The following JAZF1 variants were observed in gnomAD, a reference collection of about 807,000 sequenced individuals.
JAZF1 encodes JAZF zinc finger 1, also known as juxtaposed with another zinc finger protein 1.
In JAZF1, 8 loss-of-function variants were observed where a neutral mutation model predicts 26.4. That is an observed-to-expected ratio of 0.30 (90% CI 0.18 to 0.55). JAZF1 has a LOEUF of 0.55. Among genes scored for constraint, JAZF1 ranks in the 20% least tolerant of loss-of-function variants. The probability of loss-of-function intolerance (pLI) is 0.94; values close to 1 mark genes in which losing one functional copy is unlikely to be tolerated. For synonymous variants in JAZF1, 126 were observed against 122.3 expected, an observed-to-expected ratio of 1.03 and a Z score of -0.20; for missense variants, 199 against 322.0, an observed-to-expected ratio of 0.62 and a Z score of 2.92.
chr7:27,833,066 C>A, intron 4 of JAZF1, 90 bp from the exon 5 acceptor site: 2 of 1,003,208 alleles, frequency 2.0e-6, no homozygotes, highest in Non-Finnish European at 2.9e-6. Flanking sequence ...ATTGCAGTTC[C>A]TGGATGGCAG....
intron 1 of JAZF1, among the ~76,000 whole-genome samples, chr7:28,050,471 T>C (rs888935945): frequency 6.6e-6 from 1 of 152,056 alleles, no homozygotes; most frequent in Middle Eastern, 3.4e-3. Context: ...TTTAATAGGG[T>C]CTATTTTATC....
chr7:28,180,132 T>TCGGCCCCGCCGCCG (rs1166353146), intron 1 of JAZF1, among the ~76,000 whole-genome samples: 3 of 83,736 alleles, frequency 3.6e-5, no homozygotes, highest in Non-Finnish European at 4.8e-5. Context: ...GCGCCGGCAC[T>TCGGCCCCGCCGCCG]CGGCCCCGCC....
chr7:28,015,788 C>G (rs1241240796), intron 1 of JAZF1, among the ~76,000 whole-genome samples: 1 of 152,028 alleles, frequency 6.6e-6, no homozygotes, highest in Non-Finnish European at 1.5e-5. Context: ...CCTTTTTGTG[C>G]AAGCCCTCTT....
chr7:28,017,963 C>A (rs1379155505), intron 1 of JAZF1, among the ~76,000 whole-genome samples: 1 of 152,102 alleles, frequency 6.6e-6, no homozygotes, highest in Admixed American at 6.5e-5. Context: ...TTAGTAGAGA[C>A]AGGGTTTCAC....
chr7:28,162,994 A>G (rs1326590857), intron 1 of JAZF1, among the ~76,000 whole-genome samples: 1 of 152,258 alleles, frequency 6.6e-6, no homozygotes, highest in East Asian at 1.9e-4. Context: ...GATGAGATGC[A>G]GAGCCATGGA....
chr7:27,976,699 GA>G (rs57949732), intron 2 of JAZF1, among the ~76,000 whole-genome samples: 90 of 145,752 alleles, frequency 6.2e-4, no homozygotes, highest in African/African-American at 8.3e-4. Flanking sequence ...GTGGTTTCAT[GA>G]AAAAAAAAAA....
intron 1 of JAZF1, among the ~76,000 whole-genome samples, chr7:28,172,180 A>C (rs1413105362): frequency 6.6e-6 from 1 of 152,238 alleles, no homozygotes; most frequent in Admixed American, 6.5e-5. Flanking sequence ...CATTTTCCAC[A>C]GGGCAGAAAG....
intron 2 of JAZF1, among the ~76,000 whole-genome samples, chr7:27,903,156 A>C (rs1411849716): frequency 6.6e-6 from 1 of 152,128 alleles, no homozygotes; most frequent in Non-Finnish European, 1.5e-5. Flanking sequence ...TACTGCCATC[A>C]TGAGTTTTGC....
At chr7:27,956,143 T>C (rs183481032) in intron 2 of JAZF1, among the ~76,000 whole-genome samples, 72 of 152,306 alleles carry the variant, frequency 4.7e-4, no homozygotes, top group African/African-American at 1.6e-3. Flanking sequence ...TAGCAGATCT[T>C]AAAGGCGTTT....
At chr7:27,958,988 G>C (rs571942400) in intron 2 of JAZF1, among the ~76,000 whole-genome samples, 6 of 152,308 alleles carry the variant, frequency 3.9e-5, no homozygotes, top group Admixed American at 2.0e-4. Context: ...CAATGGCAGT[G>C]GTGGTGGCAG....
chr7:28,050,410 A>C (rs1035950960), intron 1 of JAZF1, among the ~76,000 whole-genome samples: 6 of 152,358 alleles, frequency 3.9e-5, no homozygotes, highest in African/African-American at 1.4e-4. Flanking sequence ...GATTTTAGAC[A>C]GTGTTGATGG....
rs1554278421 is a variant in JAZF1 at position 27,963,569 on chromosome 7, C to CCCCT, written c.188+28339_188+28340insAGGG. Among the ~76,000 whole-genome samples, 495 of 132,462 alleles carry CCCCT rather than the reference C, an allele frequency of 3.7e-3. 6 individuals carry two copies. The highest frequency in any genetic ancestry group is 6.6e-3 in the African/African-American group (229 of 34,570). The allele number at this position is 132,462 out of a possible 152,430, so 86.9% of individuals were successfully genotyped here. A position where few individuals can be genotyped will look rare whatever the true frequency, so the allele number is the denominator to read the frequency against. ...TCAATGTTTGCAATTCCCCCCCCCC[C>CCCCT]TTTTTTTTTGGAGACAGGGTCTTGC... is the stretch of plus-strand genomic sequence containing the variant. On this transcript the variant is annotated intron_variant, in intron 2 of 4. Coordinates refer to ENST00000283928, the MANE Select transcript of JAZF1 (RefSeq NM_175061.4).
At chr7:28,073,634 G>A (rs976231791) in intron 1 of JAZF1, among the ~76,000 whole-genome samples, 6 of 152,146 alleles carry the variant, frequency 3.9e-5, no homozygotes, top group Non-Finnish European at 5.9e-5. Flanking sequence ...GAGCCCTCAC[G>A]TCTCATCACA....
At chr7:27,978,398 G>A (rs1583489901) in intron 2 of JAZF1, among the ~76,000 whole-genome samples, 1 of 152,198 alleles carries the variant, frequency 6.6e-6, no homozygotes, top group African/African-American at 2.4e-5. Context: ...GTCTGAGCAG[G>A]TTATGAGTAG....
At chr7:27,866,745 A>T (rs1444576738) in intron 3 of JAZF1, among the ~76,000 whole-genome samples, 1 of 152,254 alleles carries the variant, frequency 6.6e-6, no homozygotes, top group Admixed American at 6.5e-5. Context: ...AACACACTCG[A>T]TTACCATACT....
intron 1 of JAZF1, among the ~76,000 whole-genome samples, chr7:28,146,500 G>A (rs7796417): frequency 6.6e-6 from 1 of 152,038 alleles, no homozygotes; most frequent in East Asian, 1.9e-4. Flanking sequence ...TACTAATTAA[G>A]TATTAAAAGG....
chr7:28,115,711 G>T (rs114545743), intron 1 of JAZF1, among the ~76,000 whole-genome samples: 75 of 152,058 alleles, frequency 4.9e-4, no homozygotes, highest in African/African-American at 1.7e-3. Context: ...GAAGAGTATT[G>T]CCCCCTGCCT....
chr7:27,904,380 A>G (rs1784214423), intron 2 of JAZF1, among the ~76,000 whole-genome samples: 1 of 152,222 alleles, frequency 6.6e-6, no homozygotes, highest in Non-Finnish European at 1.5e-5. Context: ...GTATTTGGTT[A>G]AAACAGCGAG....
At chr7:27,833,266 C>A (rs576622218) in intron 4 of JAZF1, 1 of 189,756 alleles carries the variant, frequency 5.3e-6, no homozygotes, top group East Asian at 1.2e-4. Flanking sequence ...TTAGGACTTA[C>A]AGACTGTATA....
Sources: allele counts gnomAD v4.1 joint callset (sites outside exome capture counted in the v4.1 genomes callset), GRCh38; gene constraint gnomAD v4.1.1; transcripts MANE v1.5; gene names NCBI Gene and HGNC (gene_info 2026-07-23, HGNC 2026-07-21).